The following NECTIN3 variants were observed in gnomAD, a reference collection of about 807,000 sequenced individuals.
The protein encoded by NECTIN3 is nectin-3.
In NECTIN3, 8 loss-of-function variants were observed where a neutral mutation model predicts 49.4. The observed-to-expected ratio is 0.16, with a 90% CI of 0.10 to 0.29. The LOEUF (loss-of-function observed/expected upper bound fraction) is 0.29. NECTIN3 is among the 10% of genes least tolerant of loss of function. NECTIN3 has a pLI of 1.00. For synonymous variants in NECTIN3, 277 were observed against 241.1 expected (o/e 1.15, Z -1.38); for missense variants, 581 against 654.6 (o/e 0.89, Z 1.23).
intron 1 of NECTIN3, among the ~76,000 whole-genome samples, chr3:111,084,332 A>G (rs1205258395): frequency 1.3e-5 from 2 of 152,122 alleles, no homozygotes; most frequent in African/African-American, 4.8e-5. Flanking sequence ...GAAATGATTC[A>G]GTATTGAAGG....
chr3:111,160,748 C>T (rs1356028273), intron 7 of NECTIN3, among the ~76,000 whole-genome samples: 1 of 152,200 alleles, frequency 6.6e-6, no homozygotes, highest in Non-Finnish European at 1.5e-5. Context: ...TGGCTAACGC[C>T]TGTAATCCCA....
chr3:111,193,739 G>A (rs1358569239), intron 1 of NECTIN3, among the ~76,000 whole-genome samples: 1 of 152,136 alleles, frequency 6.6e-6, no homozygotes, highest in Non-Finnish European at 1.5e-5. Flanking sequence ...TAACCTCGTT[G>A]GGTCTCAGGC....
rs184712976 is a variant in NECTIN3, at chr3:111,123,401, G to A, written c.917+1163G>A. On this transcript the variant is annotated intron_variant, in intron 4 of 5. Coordinates refer to ENST00000485303, the MANE Select transcript of NECTIN3 (RefSeq NM_015480.3). ...TGGTTGTTTAGTCTTTCACAGTGAA[G>A]CATTAAATAAAATGCTTAGTGGATG... is the stretch of plus-strand genomic sequence containing the variant. Among the ~76,000 whole-genome samples, 157 of 152,162 alleles carry A rather than the reference G, an allele frequency of 1.0e-3. No homozygotes were observed. The East Asian group carries it at 0.028, about 27-fold the overall frequency.
chr3:111,113,169 AC>A (rs1441915933), intron 2 of NECTIN3, among the ~76,000 whole-genome samples: 1 of 152,134 alleles, frequency 6.6e-6, no homozygotes, highest in Non-Finnish European at 1.5e-5. Flanking sequence ...CAGGCCAGTG[AC>A]TAAGTGAGGC....
At chr3:111,094,780 A>T (rs2032488982) in intron 1 of NECTIN3, among the ~76,000 whole-genome samples, 1 of 152,178 alleles carries the variant, frequency 6.6e-6, no homozygotes, top group Non-Finnish European at 1.5e-5. Context: ...TTTGGGGCTG[A>T]TCATGAGAGT....
At chr3:111,133,523 A>G (rs2034465174) in intron 5 of NECTIN3, 112 bp from the exon 6 acceptor site, 1 of 1,355,842 alleles carries the variant, frequency 7.4e-7, no homozygotes, top group Admixed American at 2.8e-5. Flanking sequence ...AACTATTGTT[A>G]CTATGAATAT....
rs115511754 is a variant in NECTIN3 at position 111,130,875 on chromosome 3, T to A, written c.1070-2760T>A. Among the ~76,000 whole-genome samples, 618 of 152,240 alleles carry A rather than the reference T, an allele frequency of 4.1e-3. 5 individuals are homozygous for A. Among genetic ancestry groups the A allele is most frequent in the African/African-American group, 0.014 (566 of 41,572 alleles). ...TTGCTTTTGATGTATATTTTTCCCT[T>A]AACTAATACCTGTTTCTTATCTTTA... On this transcript the variant is annotated intron_variant, in intron 5 of 5. Coordinates refer to ENST00000485303, the MANE Select transcript of NECTIN3 (RefSeq NM_015480.3).
rs2034580224 is a variant in NECTIN3, at chr3:111,136,493, G to A, written c.*2278G>A. ...TCTGTGTTGTAAGAATCTGATACTA[G>A]TGCTTAAGACTTTGGGAAGCATTGC... On this transcript the variant is annotated 3_prime_UTR_variant, in exon 6 of 6. Coordinates refer to ENST00000485303, the MANE Select transcript of NECTIN3 (RefSeq NM_015480.3). The A allele has an allele frequency of 2.0e-6, 2 of 983,346 alleles. No homozygotes were observed. Among genetic ancestry groups the A allele is most frequent in the Non-Finnish European group, 2.4e-6 (2 of 828,332 alleles). The allele number at this position is 983,346 out of a possible 1,614,324, so 60.9% of individuals were successfully genotyped here.
chr3:111,186,435 G>A (rs1394400874), intron 7 of NECTIN3, among the ~76,000 whole-genome samples: 2 of 152,024 alleles, frequency 1.3e-5, no homozygotes, highest in Admixed American at 1.3e-4. Context: ...CTTTGACAAA[G>A]TCAACAAAAA....
At chr3:111,074,931 C>T (rs2031072322) in intron 1 of NECTIN3, 1 of 151,714 alleles carries the variant, frequency 6.6e-6, no homozygotes, top group South Asian at 2.1e-4. Context: ...TGATGAATAA[C>T]AAGATAGACT....
rs1466613113 is a variant in NECTIN3 at position 111,193,363 on chromosome 3, G to A, written c.63+950G>A. 1.9e-5 allele frequency: 29 copies of A among 1,534,226 alleles called. No homozygotes were observed. The East Asian group carries it at 2.2e-4, about 12-fold the overall frequency. ...CCTAAGAGAGTCTACATCGACCCAC[G>A]AGAACATTATGTGTGATTTTTCTCT... On this transcript the variant is annotated intron_variant, in intron 1 of 1. Coordinates refer to the NECTIN3 transcript ENST00000485506.
chr3:111,141,527 A>G (rs533842030), downstream of NECTIN3, among the ~76,000 whole-genome samples: 4 of 151,912 alleles, frequency 2.6e-5, no homozygotes, highest in Non-Finnish European at 5.9e-5. Flanking sequence ...GTCATTTCTT[A>G]TATTCATTTT....
chr3:111,133,607 T>A, intron 5 of NECTIN3, 28 bp from the exon 6 acceptor site: 1 of 1,590,080 alleles, frequency 6.3e-7, no homozygotes, highest in South Asian at 1.2e-5. Flanking sequence ...CCTTTCTGTG[T>A]CTTCTCTATC....
chr3:111,125,276 G>A (rs1372038517), intron 4 of NECTIN3, among the ~76,000 whole-genome samples: 4 of 151,760 alleles, frequency 2.6e-5, no homozygotes, highest in African/African-American at 7.3e-5. Flanking sequence ...TGATGTGCCC[G>A]CCTCGGCCTC....
exon 6 of NECTIN3, chr3:111,144,921 T>C (rs1161260356): frequency 6.5e-7 from 1 of 1,536,176 alleles, no homozygotes; most frequent in Non-Finnish European, 8.7e-7. Flanking sequence ...AGCAGACCTC[T>C]TCCATAGCTG....
chr3:111,083,687 C>A (rs566161479), intron 1 of NECTIN3, among the ~76,000 whole-genome samples: 1 of 152,046 alleles, frequency 6.6e-6, no homozygotes, highest in Non-Finnish European at 1.5e-5. Context: ...AGAAACTTGA[C>A]CCCGTGGTTA....
intron 7 of NECTIN3, among the ~76,000 whole-genome samples, chr3:111,176,761 A>T (rs2035537154): frequency 6.6e-6 from 1 of 152,052 alleles, no homozygotes; most frequent in Non-Finnish European, 1.5e-5. Context: ...TGTTCAAGAG[A>T]TAACTTAGAA....
chr3:111,077,019 A>C (rs964495804), intron 1 of NECTIN3, among the ~76,000 whole-genome samples: 5 of 151,930 alleles, frequency 3.3e-5, no homozygotes, highest in Non-Finnish European at 5.9e-5. Flanking sequence ...GGGTAGCTTC[A>C]AGGTTTTTTT....
rs1341784183 is a variant in NECTIN3 at position 111,135,010 on chromosome 3, T to A, written c.*795T>A. On this transcript the variant is annotated 3_prime_UTR_variant, in exon 6 of 6. Coordinates refer to ENST00000485303, the MANE Select transcript of NECTIN3 (RefSeq NM_015480.3). ...TTCCTTTCTGGAACATGGATTTTGG[T>A]ACATTAGCAGTAGCCTTATTTTAAT... The A allele has an allele frequency of 1.0e-6, 1 of 979,410 alleles. No individual in the cohort carries two copies. 60.7% of individuals were successfully genotyped at this position (979,410 alleles called of 1,614,324 possible).
Sources: gnomAD v4.1 joint callset for allele counts (sites outside exome capture counted in the v4.1 genomes callset) on GRCh38, gnomAD v4.1.1 for gene constraint, MANE v1.5 for transcripts, NCBI Gene and HGNC (gene_info 2026-07-23, HGNC 2026-07-21) for gene names.